DGKH: variants seen among roughly 807,000 people sequenced by gnomAD.
DGKH encodes the protein diacylglycerol kinase eta.
Under a neutral mutation model 159.3 loss-of-function variants are expected in DGKH, and 90 were observed. That is an observed-to-expected ratio of 0.57 (90% CI 0.48 to 0.67). The LOEUF (loss-of-function observed/expected upper bound fraction) is 0.67, where lower values mean the gene tolerates loss of function less well. DGKH is among the 30% of genes least tolerant of loss of function. DGKH has a pLI of 0.00. For synonymous variants in DGKH, 536 were observed against 553.8 expected (o/e 0.97, Z 0.45); for missense variants, 1,181 against 1,506.1 (o/e 0.78, Z 3.57).
intron 12 of DGKH, among the ~76,000 whole-genome samples, chr13:42,174,582 T>A (rs1007813547): frequency 1.1e-4 from 16 of 152,250 alleles, no homozygotes; most frequent in Non-Finnish European, 7.3e-5. Flanking sequence ...TCTTCTACTT[T>A]GGCCATTAGA....
In DGKH at chr13:42,116,346, A is replaced by C. The variant is rs183440138; in HGVS notation, c.193-11117A>C. Among the ~76,000 whole-genome samples, 13 of 152,356 alleles carry C rather than the reference A, an allele frequency of 8.5e-5. 1 individual carries two copies. The East Asian group carries it at 2.5e-3, about 29-fold the overall frequency. On this transcript the variant is annotated intron_variant, in intron 1 of 29. Transcript: ENST00000337343. ...AAGAGACAGGAAAGAAGTGACACAAATAAAATGTAGAGTGTTGAAATCTCC... is the reference window on the plus strand; with the variant it reads ...AAGAGACAGGAAAGAAGTGACACAACTAAAATGTAGAGTGTTGAAATCTCC...
chr13:42,067,351 C>A (rs1882652463), intron 1 of DGKH, among the ~76,000 whole-genome samples: 1 of 152,024 alleles, frequency 6.6e-6, no homozygotes, highest in Non-Finnish European at 1.5e-5. Context: ...GAATAGTATA[C>A]CCAAAAATCT....
At chr13:42,132,359 A>C (rs1955305842) in intron 3 of DGKH, among the ~76,000 whole-genome samples, 2 of 152,240 alleles carry the variant, frequency 1.3e-5, no homozygotes, top group Admixed American at 1.3e-4. Flanking sequence ...GTGCTATAGA[A>C]CACTGAAAAT....
rs1481039702 is a variant in DGKH, at chr13:42,237,960, A to T, written c.*8772A>T. On this transcript the variant is annotated 3_prime_UTR_variant, in exon 30 of 30. Transcript: ENST00000337343. Reference sequence around the variant, plus strand: ...ATGGATTTTTTCCTTTCACTGAAACAACAAAACAATTATTGAAATTCACAA... The same window carrying T: ...ATGGATTTTTTCCTTTCACTGAAACTACAAAACAATTATTGAAATTCACAA... The T allele has an allele frequency of 6.6e-6, 1 of 152,198 alleles. No individual in the cohort carries two copies. Among genetic ancestry groups the T allele is most frequent in the African/African-American group, 2.4e-5 (1 of 41,460 alleles). The allele number at this position is 152,198 out of a possible 1,614,324, so 9.4% of individuals were successfully genotyped here. A position where few individuals can be genotyped will look rare whatever the true frequency, so the allele number is the denominator to read the frequency against.
intron 13 of DGKH, among the ~76,000 whole-genome samples, chr13:42,185,840 A>G (rs1385775123): frequency 6.6e-6 from 1 of 152,254 alleles, no homozygotes; most frequent in East Asian, 1.9e-4. Context: ...TAAAAAGCCA[A>G]CAAAGAAGGT....
intron 1 of DGKH, among the ~76,000 whole-genome samples, chr13:42,041,482 T>C (rs903351671): frequency 6.6e-6 from 1 of 152,214 alleles, no homozygotes; most frequent in South Asian, 2.1e-4. Flanking sequence ...CTGACTTCGC[T>C]TTCGCCTGGG....
chr13:42,171,466 C>T (rs1293511135), intron 11 of DGKH, among the ~76,000 whole-genome samples: 1 of 152,172 alleles, frequency 6.6e-6, no homozygotes, highest in African/African-American at 2.4e-5. Context: ...CCACTTTCTC[C>T]TTTTTATTTA....
In DGKH at chr13:42,225,393, T is replaced by C. The variant is rs187162587; in HGVS notation, c.3574-3706T>C. On this transcript the variant is annotated intron_variant, in intron 29 of 29. Coordinates refer to ENST00000337343, the MANE Select transcript of DGKH (RefSeq NM_178009.5). ...TTTTTTCTATTTGGAAAGTTGTGTA[T>C]GTATGGCTGGAAGGATAACTGAATA... The C allele has an allele frequency of 3.0e-4, 427 of 1,414,562 alleles. 5 individuals are homozygous for C. In the East Asian group the frequency reaches 8.8e-3, roughly 29 times the overall value. The allele number at this position is 1,414,562 out of a possible 1,614,324, so 87.6% of individuals were successfully genotyped here. A position where few individuals can be genotyped will look rare whatever the true frequency, so the allele number is the denominator to read the frequency against.
chr13:42,041,986 T>C (rs1776137818), intron 1 of DGKH, among the ~76,000 whole-genome samples: 1 of 152,220 alleles, frequency 6.6e-6, no homozygotes, highest in South Asian at 2.1e-4. Flanking sequence ...ATATACGCTC[T>C]CAGCTCCTTT....
chr13:42,199,298 A>C (rs1303655824), intron 18 of DGKH, among the ~76,000 whole-genome samples: 1 of 152,216 alleles, frequency 6.6e-6, no homozygotes, highest in Non-Finnish European at 1.5e-5. Flanking sequence ...TTAAGTAGAA[A>C]TAGAACTAAG....
At chr13:42,203,245 C>T (rs537087205) in intron 20 of DGKH, among the ~76,000 whole-genome samples, 2 of 152,302 alleles carry the variant, frequency 1.3e-5, no homozygotes, top group Admixed American at 6.5e-5. Context: ...CTTAACAACT[C>T]ATGAGGTAGG....
chr13:42,123,664 A>C (rs1353167629), intron 1 of DGKH, among the ~76,000 whole-genome samples: 1 of 152,242 alleles, frequency 6.6e-6, no homozygotes, highest in South Asian at 2.1e-4. Context: ...GTTCAATTTT[A>C]AAAATGGACT....
chr13:42,192,375 A>G (rs1240529372), intron 16 of DGKH, among the ~76,000 whole-genome samples: 1 of 152,124 alleles, frequency 6.6e-6, no homozygotes, highest in Admixed American at 6.5e-5. Flanking sequence ...TTTCTCCCCT[A>G]AATTTCTACC....
At position 42,196,886 on chromosome 13, in the gene DGKH, C is replaced by A. The variant is rs148585441; in HGVS notation, c.2168-1592C>A. ...CAGGTTTAGATGCTGTGTTTCTATT[C>A]CAACTAGGAACCTTGGGATAACCCC... On this transcript the variant is annotated intron_variant, in intron 17 of 29. Transcript: ENST00000337343. Among the ~76,000 whole-genome samples the A allele has an allele frequency of 1.2e-4, 19 of 152,278 alleles. No homozygotes were observed. In the East Asian group the frequency reaches 3.5e-3, roughly 28 times the overall value.
intron 1 of DGKH, among the ~76,000 whole-genome samples, chr13:42,041,091 G>A (rs910969780): frequency 6.6e-6 from 1 of 152,028 alleles, no homozygotes; most frequent in African/African-American, 2.4e-5. Context: ...GCTCCTCCTC[G>A]CGCGCCGCCT....
intron 29 of DGKH, among the ~76,000 whole-genome samples, chr13:42,226,927 G>A (rs1958148652): frequency 6.6e-6 from 1 of 151,828 alleles, no homozygotes; most frequent in Non-Finnish European, 1.5e-5. Context: ...ATACTATGCA[G>A]CCATAAAAAG....
intron 13 of DGKH, among the ~76,000 whole-genome samples, chr13:42,183,489 G>A (rs1236971005): frequency 1.3e-5 from 2 of 151,672 alleles, no homozygotes; most frequent in Non-Finnish European, 2.9e-5. Context: ...CCCTTTTTTT[G>A]TGAATGTTAT....
At chr13:42,074,662 C>CCATCCATCCATCCATCCATCCATCCATG in intron 1 of DGKH, among the ~76,000 whole-genome samples, 1 of 151,872 alleles carries the variant, frequency 6.6e-6, no homozygotes, top group South Asian at 2.1e-4. Context: ...ATCCATCCAT[C>CCATCCATCCATCCATCCATCCATCCATG]CATCCATCCA....
In DGKH at chr13:42,212,406, C is replaced by T. The variant is rs191962071; in HGVS notation, c.3014+1641C>T. 1.4e-3 allele frequency among the ~76,000 whole-genome samples: 212 copies of T among 152,304 alleles called. 2 individuals are homozygous for T. The highest frequency in any genetic ancestry group is 7.5e-3 in the South Asian group (36 of 4,828). On this transcript the variant is annotated intron_variant, in intron 24 of 29. Coordinates refer to ENST00000337343, the MANE Select transcript of DGKH (RefSeq NM_178009.5). Reference sequence around the variant, plus strand: ...CACACAGCTGCATTATTGTACATCTCGGCTTCTTATCCATAGGGTTGTTAG... The same window carrying T: ...CACACAGCTGCATTATTGTACATCTTGGCTTCTTATCCATAGGGTTGTTAG...
Sources: allele counts gnomAD v4.1 joint callset (sites outside exome capture counted in the v4.1 genomes callset), GRCh38; gene constraint gnomAD v4.1.1; transcripts MANE v1.5; gene names NCBI Gene and HGNC (gene_info 2026-07-23, HGNC 2026-07-21).